The following PYROXD2 variants were observed in gnomAD, a reference collection of about 807,000 sequenced individuals.
PYROXD2 encodes pyridine nucleotide-disulphide oxidoreductase domain 2, also known as pyridine nucleotide-disulfide oxidoreductase domain-containing protein 2.
In PYROXD2, 69 loss-of-function variants were observed where a neutral mutation model predicts 71.1. The ratio of observed to expected loss-of-function variants is 0.97; its 90% CI spans 0.80 to 1.19. The LOEUF (loss-of-function observed/expected upper bound fraction) is 1.19. Ranked by LOEUF, PYROXD2 falls within the 50% of genes most tolerant of loss-of-function variation. The pLI is 0.00. For missense variants in PYROXD2, 745 were observed against 748.9 expected (o/e 0.99, Z 0.06); for synonymous variants, 287 against 302.7 (o/e 0.95, Z 0.54).
chr10:98,406,891 CAAAA>C (rs35562526), intron 4 of PYROXD2, among the ~76,000 whole-genome samples: 1 of 73,116 alleles, frequency 1.4e-5, no homozygotes, highest in Non-Finnish European at 2.6e-5. Flanking sequence ...GACTCCGTCC[CAAAA>C]AAAAAAAAAA....
intron 4 of PYROXD2, 133 bp from the exon 5 acceptor site, chr10:98,400,390 GT>G: frequency 9.8e-6 from 8 of 815,850 alleles, no homozygotes; most frequent in Non-Finnish European, 1.5e-5. Context: ...CCTGGTGTCT[GT>G]TTTTTAAATA....
intron 1 of PYROXD2, among the ~76,000 whole-genome samples, chr10:98,413,575 G>C (rs893348767): frequency 6.6e-6 from 1 of 151,986 alleles, no homozygotes; most frequent in East Asian, 1.9e-4. Context: ...TTAGCCGGGC[G>C]TGGTGGTGGG....
intron 2 of PYROXD2, among the ~76,000 whole-genome samples, chr10:98,408,827 C>T (rs1843694774): frequency 6.6e-6 from 1 of 152,168 alleles, no homozygotes; most frequent in Admixed American, 6.5e-5. Flanking sequence ...TATTATGTGC[C>T]AGAAGCAGTG....
intron 12 of PYROXD2, 43 bp from the exon 13 acceptor site, chr10:98,388,551 T>G (rs2147895): frequency 0.38 from 560,892 of 1,494,312 alleles, 109,815 homozygotes; most frequent in African/African-American, 0.57. Flanking sequence ...AGAGCAGCAG[T>G]GCGGAGGGTA....
chr10:98,389,545 G>T (rs944496868), intron 12 of PYROXD2, among the ~76,000 whole-genome samples: 8 of 151,946 alleles, frequency 5.3e-5, no homozygotes, highest in African/African-American at 1.9e-4. Context: ...TCATTCCCAG[G>T]TGCTCTCTCT....
At chr10:98,406,099 T>C (rs1397850324) in intron 4 of PYROXD2, among the ~76,000 whole-genome samples, 2 of 152,178 alleles carry the variant, frequency 1.3e-5, no homozygotes, top group African/African-American at 4.8e-5. Flanking sequence ...CCAGATGGGG[T>C]GAGTCCTGCG....
At chr10:98,409,103 G>A (rs911803752) in intron 2 of PYROXD2, among the ~76,000 whole-genome samples, 4 of 152,196 alleles carry the variant, frequency 2.6e-5, no homozygotes, top group Non-Finnish European at 5.9e-5. Context: ...GGTGAGCTGC[G>A]TCATTCTCCT....
At chr10:98,399,005 G>A (rs145231210) in intron 5 of PYROXD2, among the ~76,000 whole-genome samples, 2,620 of 152,260 alleles carry the variant, frequency 0.017, 36 homozygotes, top group South Asian at 0.075. Flanking sequence ...GCCGGGCATG[G>A]TGGTGAATGC....
intron 2 of PYROXD2, among the ~76,000 whole-genome samples, chr10:98,408,506 G>A (rs1051410623): frequency 6.6e-6 from 1 of 152,214 alleles, no homozygotes; most frequent in African/African-American, 2.4e-5. Context: ...GCTGATGAAA[G>A]TAGTCCCGGC....
intron 5 of PYROXD2, among the ~76,000 whole-genome samples, chr10:98,399,825 G>A (rs1240670603): frequency 6.6e-6 from 1 of 152,200 alleles, no homozygotes; most frequent in Non-Finnish European, 1.5e-5. Context: ...ATTTCCTCTT[G>A]AACTCAGCAG....
In PYROXD2 at chr10:98,390,738, C is replaced by A. The variant is rs755985679; in HGVS notation, c.1152G>T (p.Leu384=). 5.0e-6 allele frequency: 8 copies of A among 1,601,432 alleles called. No homozygotes were observed. Among genetic ancestry groups the A allele is most frequent in the African/African-American group, 1.3e-5 (1 of 74,714 alleles). The change falls in exon 12 of 16, where the codon CTG becomes CTT. Residue 384 remains leucine (L), a synonymous_variant. Transcript: ENST00000370575. ...VTKINVAVDR[L]PSFLAAPNAP... ...CATTGGGGGCCGCCAGGAAGCTGGG[C>A]AGCCTGTCTACGGCCACTGAGGGAC...
chr10:98,398,011 T>A (rs1843256598), intron 5 of PYROXD2, among the ~76,000 whole-genome samples: 1 of 151,360 alleles, frequency 6.6e-6, no homozygotes, highest in Admixed American at 6.6e-5. Context: ...GCCTCCTGAG[T>A]AGCTGGGATT....
intron 13 of PYROXD2, chr10:98,388,064 TG>T (rs1001921967): frequency 2.4e-5 from 9 of 368,706 alleles, no homozygotes; most frequent in Non-Finnish European, 4.0e-5. Context: ...GCGTCTCCTT[TG>T]GTTCGTGCAG....
At chr10:98,403,685 A>G (rs568290043) in intron 4 of PYROXD2, among the ~76,000 whole-genome samples, 7 of 152,196 alleles carry the variant, frequency 4.6e-5, no homozygotes, top group African/African-American at 1.7e-4. Flanking sequence ...ACCAGCTCAA[A>G]TGTCACCTCC....
Position 98,400,023 on chromosome 10 carries a change from T to C in PYROXD2, c.471+79A>G, listed in dbSNP as rs940571763. The C allele has an allele frequency of 1.1e-5, 16 of 1,518,876 alleles. No individual in the cohort carries two copies. The African/African-American group carries it at 1.1e-4, about 10-fold the overall frequency. 94.1% of individuals were successfully genotyped at this position (1,518,876 alleles called of 1,614,324 possible). ...CGCAGTGTCCATGGCCTTTGAACAA[T>C]TGTTCTAGGACAATCCAACCAGGCC... On this transcript the variant is annotated intron_variant, in intron 5 of 15. Transcript: ENST00000370575.
intron 2 of PYROXD2, among the ~76,000 whole-genome samples, chr10:98,410,153 G>A (rs753199875): frequency 1.1e-4 from 16 of 152,182 alleles, no homozygotes; most frequent in Non-Finnish European, 1.5e-4. Context: ...AATGCCGCAC[G>A]TAAAATGTTC....
At chr10:98,401,445 A>T (rs1305437126) in intron 4 of PYROXD2, among the ~76,000 whole-genome samples, 5 of 152,072 alleles carry the variant, frequency 3.3e-5, no homozygotes, top group Non-Finnish European at 7.4e-5. Context: ...CACACTTTAT[A>T]AATATAGTAC....
Position 98,396,888 on chromosome 10 carries a change from C to A in PYROXD2, c.625+457G>T, listed in dbSNP as rs570004918. ...GGGAGTCAATGCCCTGTGAGGCAAC[C>A]CTTGGCCAATGGGAGATAGAACCCA... On this transcript the variant is annotated intron_variant, in intron 6 of 15. Transcript: ENST00000370575. Among the ~76,000 whole-genome samples the A allele has an allele frequency of 5.3e-5, 8 of 152,288 alleles. No homozygotes were observed. In the South Asian group the frequency reaches 1.7e-3, roughly 32 times the overall value.
Position 98,400,266 on chromosome 10 carries a change from C to G in PYROXD2, c.316-9G>C. 2 of 1,603,398 alleles carry G rather than the reference C, an allele frequency of 1.2e-6. No homozygotes were observed. Among genetic ancestry groups the G allele is most frequent in the Non-Finnish European group, 8.5e-7 (1 of 1,172,852 alleles). On this transcript the variant is annotated splice_polypyrimidine_tract_variant and intron_variant, in intron 4 of 15. Transcript: ENST00000370575. ...AGCCTCAGCCCATGTTTCTGCAAAA[C>G]ACAAATAGCATGGGCCACATATTAA... is the stretch of plus-strand genomic sequence containing the variant.
Sources: gnomAD v4.1 joint callset for allele counts (sites outside exome capture counted in the v4.1 genomes callset) on GRCh38, gnomAD v4.1.1 for gene constraint, MANE v1.5 for transcripts, NCBI Gene and HGNC (gene_info 2026-07-23, HGNC 2026-07-21) for gene names.